The following WEE2 variants were observed in gnomAD, a reference collection of about 807,000 sequenced individuals.
The protein encoded by WEE2 is wee1-like protein kinase 2.
In WEE2, 50 loss-of-function variants were observed where a neutral mutation model predicts 60.1. The ratio of observed to expected loss-of-function variants is 0.83; its 90% CI spans 0.66 to 1.05. The LOEUF (loss-of-function observed/expected upper bound fraction) is 1.05, where lower values mean the gene tolerates loss of function less well. Ranked by LOEUF, WEE2 falls within the 50% of genes least tolerant of loss-of-function variation. The probability of loss-of-function intolerance (pLI) is 0.00; values close to 1 mark genes in which losing one functional copy is unlikely to be tolerated. For synonymous variants in WEE2, 240 were observed against 241.0 expected (o/e 1.00, Z 0.04); for missense variants, 631 against 684.3 (o/e 0.92, Z 0.87).
At chr7:141,722,514 T>C (rs902142484) in intron 5 of WEE2, among the ~76,000 whole-genome samples, 3 of 152,212 alleles carry the variant, frequency 2.0e-5, no homozygotes, top group Non-Finnish European at 1.5e-5. Context: ...TCGAGTACAG[T>C]TGATGTACAA....
intron 5 of WEE2, among the ~76,000 whole-genome samples, chr7:141,721,303 T>C (rs754775354): frequency 1.3e-5 from 2 of 152,202 alleles, no homozygotes; most frequent in Non-Finnish European, 2.9e-5. Flanking sequence ...ATTTATTCCA[T>C]GCTAGGCCTT....
At chr7:141,719,298 T>G (rs2117113011) in intron 4 of WEE2, 54 bp downstream of exon 4, 1 of 1,478,766 alleles carries the variant, frequency 6.8e-7, no homozygotes, top group Non-Finnish European at 9.1e-7. Flanking sequence ...GAGAGTTGTT[T>G]CTTGTCAAAT....
chr7:141,724,867 T>C, intron 8 of WEE2, among the ~76,000 whole-genome samples, 159 bp from the exon 9 acceptor site: 1 of 152,244 alleles, frequency 6.6e-6, no homozygotes. Flanking sequence ...TCGTGTTCTC[T>C]CTTCTCTAGA....
Position 141,724,242 on chromosome 7 carries a change from T to C in WEE2, c.1188T>C (p.Asp396=). 1 of 1,613,910 alleles carries C rather than the reference T, an allele frequency of 6.2e-7. No homozygotes were observed. Among genetic ancestry groups the C allele is most frequent in the Non-Finnish European group, 8.5e-7 (1 of 1,179,948 alleles). Residue 396 remains aspartate, a synonymous_variant, in exon 8 of 12, where the codon GAT becomes GAC. Coordinates refer to ENST00000397541, the MANE Select transcript of WEE2 (RefSeq NM_001105558.1). ...SINKPKVEEG[D]SRFLANEILQ... is the part of the protein sequence containing the mutation. ...ACAAACCCAAAGTGGAAGAAGGAGA[T>C]AGTCGCTTCCTGGCTAATGAGATTT...
chr7:141,723,834 C>A, intron 6 of WEE2, 107 bp from the exon 7 acceptor site: 1 of 747,412 alleles, frequency 1.3e-6, no homozygotes, highest in South Asian at 2.0e-5. Context: ...TATGTCCACA[C>A]AAAAGAAGAA....
chr7:141,714,090 A>G, intron 1 of WEE2, 119 bp from the exon 2 acceptor site: 1 of 791,166 alleles, frequency 1.3e-6, no homozygotes, highest in Non-Finnish European at 2.0e-6. Flanking sequence ...ACATGGAACC[A>G]GATAATTTCT....
intron 3 of WEE2, among the ~76,000 whole-genome samples, chr7:141,717,347 G>A (rs113959934): frequency 0.016 from 2,447 of 152,200 alleles, 79 homozygotes; most frequent in African/African-American, 0.056. Context: ...CAGAAAAGGC[G>A]GCCACTGGCA....
chr7:141,730,184 C>T (rs536177870), intron 11 of WEE2, 111 bp from the exon 12 acceptor site: 1 of 931,102 alleles, frequency 1.1e-6, no homozygotes, highest in Non-Finnish European at 1.6e-6. Context: ...AAGGCTTTGT[C>T]TTCTCAAGGG....
chr7:141,728,048 G>A (rs1374411327), intron 10 of WEE2: 4 of 152,254 alleles, frequency 2.6e-5, no homozygotes, highest in Non-Finnish European at 2.9e-5. Flanking sequence ...GGGGCTCATC[G>A]ATTGCACTCC....
Position 141,723,978 on chromosome 7 carries a change from C to A in WEE2, c.1065C>A (p.Ser355=). 1 of 1,612,524 alleles carries A rather than the reference C, an allele frequency of 6.2e-7. No individual in the cohort carries two copies. The highest frequency in any genetic ancestry group is 8.5e-7 in the Non-Finnish European group (1 of 1,179,486). ...IFICHKMQSE[S]SGVIEEVENE... ...TTTGTCACAAGATGCAAAGTGAATCCTCTGGAGTCATAGAAGAAGTTGAAA... is the reference window on the plus strand; with the variant it reads ...TTTGTCACAAGATGCAAAGTGAATCATCTGGAGTCATAGAAGAAGTTGAAA... The change falls in exon 7 of 12, where the codon TCC becomes TCA. Residue 355 remains serine, a synonymous_variant. Transcript: ENST00000397541.
At chr7:141,721,245 TTCTTTCTTTCCCTTCTGTTG>T (rs1215031196) in intron 5 of WEE2, among the ~76,000 whole-genome samples, 189 bp downstream of exon 5, 1 of 152,356 alleles carries the variant, frequency 6.6e-6, no homozygotes, top group East Asian at 1.9e-4. Flanking sequence ...CCTCGACTTA[TTCTTTCTTTCCCTTCTGTTG>T]TCAGGATAAT....
At chr7:141,727,021 T>A (rs1799029234) in intron 9 of WEE2, among the ~76,000 whole-genome samples, 1 of 152,120 alleles carries the variant, frequency 6.6e-6, no homozygotes, top group African/African-American at 2.4e-5. Context: ...TTATCGAGAG[T>A]CTTAGTTTTT....
intron 1 of WEE2, among the ~76,000 whole-genome samples, chr7:141,710,940 G>A (rs1313403824): frequency 2.6e-5 from 4 of 152,160 alleles, no homozygotes; most frequent in African/African-American, 9.7e-5. Flanking sequence ...TTGTGGGATG[G>A]AGCATGAGAG....
chr7:141,727,501 G>C, intron 10 of WEE2, 55 bp downstream of exon 10: 1 of 1,592,770 alleles, frequency 6.3e-7, no homozygotes. Context: ...ACTCACAATG[G>C]TATGACTAGT....
rs1337410760 is a variant in WEE2 at position 141,709,037 on chromosome 7, G to C, written c.279G>C (p.Glu93Asp). 2.5e-6 allele frequency: 4 copies of C among 1,614,122 alleles called. No homozygotes were observed. The highest frequency in any genetic ancestry group is 1.1e-5 in the South Asian group (1 of 91,070). The change falls in exon 1 of 12, where the codon GAG (glutamate) becomes GAC (aspartate). Residue 93 changes from glutamate to aspartate, a missense_variant. Coordinates refer to ENST00000397541, the MANE Select transcript of WEE2 (RefSeq NM_001105558.1). ...TGTCACACCCTCTCAAATGTCCTGA[G>C]ACACCAGCCCAACCAGACAGCAGGA... ...TPVSHPLKCP[E>D]TPAQPDSRSK...
chr7:141,721,251 C>A (rs940998251), intron 5 of WEE2, among the ~76,000 whole-genome samples, 195 bp downstream of exon 5: 5 of 152,186 alleles, frequency 3.3e-5, no homozygotes, highest in Non-Finnish European at 7.3e-5. Context: ...CTTATTCTTT[C>A]TTTCCCTTCT....
Position 141,709,023 on chromosome 7 carries a change from C to T in WEE2, c.265C>T (p.Leu89Phe). The change falls in exon 1 of 12, where the codon CTC (leucine) becomes TTC (phenylalanine). Residue 89 changes from leucine (L) to phenylalanine (F), a missense_variant. Coordinates refer to ENST00000397541, the MANE Select transcript of WEE2 (RefSeq NM_001105558.1). The stretch of plus-strand genomic sequence containing the variant: ...TTTGAGGACTCCAGTGTCACACCCT[C>T]TCAAATGTCCTGAGACACCAGCCCA... ...QILRTPVSHP[L>F]KCPETPAQPD... 6.2e-7 allele frequency: 1 copy of T among 1,614,166 alleles called. No homozygotes were observed. Among genetic ancestry groups the T allele is most frequent in the Non-Finnish European group, 8.5e-7 (1 of 1,180,030 alleles).
In WEE2 at chr7:141,714,228, T is replaced by C. The variant is rs765839357; in HGVS notation, c.362T>C (p.Val121Ala). 1 of 1,612,026 alleles carries C rather than the reference T, an allele frequency of 6.2e-7. No individual in the cohort carries two copies. Among genetic ancestry groups the C allele is most frequent in the Non-Finnish European group, 8.5e-7 (1 of 1,179,274 alleles). The change falls in exon 2 of 12, where the codon GTG (valine) becomes GCG (alanine). Residue 121 changes from valine (V) to alanine (A), a missense_variant. Coordinates refer to ENST00000397541, the MANE Select transcript of WEE2 (RefSeq NM_001105558.1). ...ATTCAGACCATGCTGAGCCGGTTGG[T>C]GATTTCTCCAACAGGGAAGCTTCCT... ...STPKTMLSRL[V>A]ISPTGKLPSR...
intron 8 of WEE2, 100 bp downstream of exon 8, chr7:141,724,375 T>G (rs1798974392): frequency 4.0e-6 from 4 of 1,006,664 alleles, no homozygotes; most frequent in Non-Finnish European, 6.0e-6. Flanking sequence ...ATATTTATCA[T>G]TATAGTACCG....
Sources: gnomAD v4.1 joint callset for allele counts (sites outside exome capture counted in the v4.1 genomes callset) on GRCh38, gnomAD v4.1.1 for gene constraint, MANE v1.5 for transcripts, NCBI Gene and HGNC (gene_info 2026-07-23, HGNC 2026-07-21) for gene names.